THSD7A: variants seen among roughly 807,000 people sequenced by gnomAD.
THSD7A encodes the protein thrombospondin type 1 domain containing 7A.
In THSD7A, 96 loss-of-function variants were observed where a neutral mutation model predicts 231.3. That is an observed-to-expected ratio of 0.41 (90% CI 0.35 to 0.49). The LOEUF (loss-of-function observed/expected upper bound fraction) is 0.49. THSD7A is among the 20% of genes least tolerant of loss of function. THSD7A has a pLI of 0.05. For synonymous variants in THSD7A, 940 were observed against 743.3 expected, an observed-to-expected ratio of 1.26 and a Z score of -4.30; for missense variants, 2,290 against 2,070.2, an observed-to-expected ratio of 1.11 and a Z score of -2.06.
intron 1 of THSD7A, among the ~76,000 whole-genome samples, chr7:11,827,963 C>A (rs1190802194): frequency 2.0e-5 from 3 of 152,138 alleles, no homozygotes; most frequent in African/African-American, 7.2e-5. Flanking sequence ...CACCCTAAAT[C>A]TAAGCTAACA....
chr7:11,544,075 G>A (rs1381485963), intron 4 of THSD7A, among the ~76,000 whole-genome samples: 2 of 152,110 alleles, frequency 1.3e-5, no homozygotes, highest in African/African-American at 4.8e-5. Context: ...CAGGCACGGT[G>A]GTTCATGCCT....
intron 6 of THSD7A, among the ~76,000 whole-genome samples, chr7:11,483,678 G>T (rs1583827378): frequency 6.6e-6 from 1 of 151,852 alleles, no homozygotes; most frequent in Admixed American, 6.6e-5. Flanking sequence ...TAGTGCAAGG[G>T]GTGCTCTCTT....
intron 16 of THSD7A, among the ~76,000 whole-genome samples, chr7:11,424,088 G>A (rs933966340): frequency 2.6e-5 from 4 of 152,262 alleles, no homozygotes; most frequent in Non-Finnish European, 1.5e-5. Flanking sequence ...CTGTATGTCT[G>A]CGCTCTCCAA....
At position 11,476,318 on chromosome 7, in the gene THSD7A, TACACACACACACACAC is replaced by T. The variant is rs59127235; in HGVS notation, c.2018-1766_2018-1751del. 2.7e-4 allele frequency among the ~76,000 whole-genome samples: 37 copies of T among 137,392 alleles called. 1 individual carries two copies. Among genetic ancestry groups the T allele is most frequent in the South Asian group, 1.5e-3 (6 of 4,058 alleles). The allele number at this position is 137,392 out of a possible 152,430, so 90.1% of individuals were successfully genotyped here. On this transcript the variant is annotated intron_variant, in intron 7 of 27. Transcript: ENST00000423059. ...AACCAGAAGTCAAGCCTCTGGAAGA[TACACACACACACACAC>T]ACACACACACACACACACACACACA...
intron 1 of THSD7A, among the ~76,000 whole-genome samples, chr7:11,742,068 G>T (rs1782132622): frequency 6.6e-6 from 1 of 151,856 alleles, no homozygotes; most frequent in Admixed American, 6.6e-5. Flanking sequence ...TTTATTCCTT[G>T]AAGCAAAGTC....
At chr7:11,508,406 G>A (rs1160700027) in intron 6 of THSD7A, among the ~76,000 whole-genome samples, 1 of 151,888 alleles carries the variant, frequency 6.6e-6, no homozygotes, top group Non-Finnish European at 1.5e-5. Flanking sequence ...TATGATCAAA[G>A]GCAAAGGCAA....
intron 1 of THSD7A, among the ~76,000 whole-genome samples, chr7:11,821,737 G>A (rs996225013): frequency 6.6e-6 from 1 of 151,992 alleles, no homozygotes; most frequent in Non-Finnish European, 1.5e-5. Context: ...TTACCCTACT[G>A]CATGTGACAT....
chr7:11,409,302 C>T (rs1229640039), intron 19 of THSD7A, among the ~76,000 whole-genome samples: 1 of 152,166 alleles, frequency 6.6e-6, no homozygotes, highest in African/African-American at 2.4e-5. Context: ...AGGGAAGCAG[C>T]CAGTGTTACC....
At chr7:11,803,339 A>T (rs1784324953) in intron 1 of THSD7A, among the ~76,000 whole-genome samples, 2 of 152,164 alleles carry the variant, frequency 1.3e-5, no homozygotes, top group Admixed American at 1.3e-4. Flanking sequence ...GTCACATGTG[A>T]TGTATCAAGT....
intron 1 of THSD7A, among the ~76,000 whole-genome samples, chr7:11,741,560 A>G (rs1237814563): frequency 1.3e-5 from 2 of 151,934 alleles, no homozygotes; most frequent in Non-Finnish European, 2.9e-5. Flanking sequence ...TTTATAATAG[A>G]TGAAATATCA....
At chr7:11,729,088 C>A (rs115967421) in intron 1 of THSD7A, among the ~76,000 whole-genome samples, 1 of 151,728 alleles carries the variant, frequency 6.6e-6, no homozygotes, top group Non-Finnish European at 1.5e-5. Context: ...ATCATAAAAA[C>A]TTAAATAGAT....
chr7:11,494,407 T>A (rs1787016230), intron 6 of THSD7A, among the ~76,000 whole-genome samples: 1 of 151,986 alleles, frequency 6.6e-6, no homozygotes, highest in Non-Finnish European at 1.5e-5. Flanking sequence ...AATGACAGGA[T>A]TGAACTAGAG....
intron 1 of THSD7A, among the ~76,000 whole-genome samples, chr7:11,742,825 G>A (rs564634124): frequency 2.6e-5 from 4 of 152,022 alleles, no homozygotes; most frequent in Admixed American, 2.6e-4. Context: ...TCCACTGCCA[G>A]TGCTTTAAAA....
At chr7:11,690,088 G>T (rs964117530) in intron 1 of THSD7A, among the ~76,000 whole-genome samples, 1 of 151,726 alleles carries the variant, frequency 6.6e-6, no homozygotes, top group Non-Finnish European at 1.5e-5. Flanking sequence ...CCTCTGCTAA[G>T]TATATTTTTA....
chr7:11,541,790 G>T (rs1414714530), intron 5 of THSD7A, among the ~76,000 whole-genome samples, 159 bp from the exon 6 acceptor site: 1 of 152,092 alleles, frequency 6.6e-6, no homozygotes, highest in Non-Finnish European at 1.5e-5. Flanking sequence ...CTAATGTGAG[G>T]TCATGAACCA....
rs143974690 is a variant in THSD7A, at chr7:11,460,768, A to T, written c.2502-3T>A. ...TGCGCCATTTGTGAGTCTTCCACCT[A>T]CAAGACAGGAACAGAAGCCCAGTGG... On this transcript the variant is annotated splice_region_variant and splice_polypyrimidine_tract_variant and intron_variant, in intron 10 of 27. Coordinates refer to ENST00000423059, the MANE Select transcript of THSD7A (RefSeq NM_015204.3). 1.2e-6 allele frequency: 2 copies of T among 1,610,122 alleles called. No individual in the cohort carries two copies. The highest frequency in any genetic ancestry group is 2.2e-5 in the East Asian group (1 of 44,614).
intron 16 of THSD7A, among the ~76,000 whole-genome samples, chr7:11,421,560 T>G (rs1167346582): frequency 6.6e-6 from 1 of 152,188 alleles, no homozygotes; most frequent in African/African-American, 2.4e-5. Context: ...TTCCTTTTAT[T>G]TTTTTGTTTT....
At chr7:11,470,046 G>T in intron 8 of THSD7A, 52 bp from the exon 9 acceptor site, 1 of 1,256,868 alleles carries the variant, frequency 8.0e-7, no homozygotes, top group Non-Finnish European at 1.1e-6. Flanking sequence ...CAGAAAATCA[G>T]ATAATTTAAT....
chr7:11,718,963 GATTT>G (rs1781247850), intron 1 of THSD7A, among the ~76,000 whole-genome samples: 2 of 151,584 alleles, frequency 1.3e-5, no homozygotes, highest in Non-Finnish European at 2.9e-5. Flanking sequence ...GCATCAGACA[GATTT>G]ATTACTTTAT....
Sources: gnomAD v4.1 joint callset for allele counts (sites outside exome capture counted in the v4.1 genomes callset) on GRCh38, gnomAD v4.1.1 for gene constraint, MANE v1.5 for transcripts, NCBI Gene and HGNC (gene_info 2026-07-23, HGNC 2026-07-21) for gene names.